The following PEPD variants were observed in gnomAD, a reference collection of about 807,000 sequenced individuals.
PEPD encodes the protein peptidase D, also known as xaa-Pro dipeptidase.
In PEPD, 53 loss-of-function variants were observed where a neutral mutation model predicts 60.7. That is an observed-to-expected ratio of 0.87 (90% CI 0.70 to 1.10). The LOEUF (loss-of-function observed/expected upper bound fraction) is 1.10, where lower values mean the gene tolerates loss of function less well. PEPD is among the 50% of genes least tolerant of loss of function. The probability of loss-of-function intolerance (pLI) is 0.00; values close to 1 mark genes in which losing one functional copy is unlikely to be tolerated. For missense variants in PEPD, 711 were observed against 711.9 expected (o/e 1.00, Z 0.01); for synonymous variants, 267 against 284.1 (o/e 0.94, Z 0.60).
intron 6 of PEPD, among the ~76,000 whole-genome samples, chr19:33,485,404 A>G (rs770770606): frequency 6.6e-6 from 1 of 151,502 alleles, no homozygotes; most frequent in African/African-American, 2.4e-5. Context: ...GAGGCGGAAG[A>G]ATCATTGCAA....
chr19:33,388,054 G>A lies in PEPD; in HGVS notation c.1180C>T (p.Leu394=). The A allele has an allele frequency of 6.4e-7, 1 of 1,554,490 alleles. No individual in the cohort carries two copies. Among genetic ancestry groups the A allele is most frequent in the East Asian group, 2.4e-5 (1 of 41,560 alleles). The change falls in exon 14 of 15, where the codon CTG becomes TTG. Residue 394 remains leucine, a synonymous_variant. Transcript: ENST00000244137. ...TGCCGTGCAGTGCGCAGGCTCCGCA[G>A]GCCGGGCTCGTCGATGCGCTCCACG... ...EGVERIDEPG[L]RSLRTARHLQ...
chr19:33,516,063 C>T (rs1371036551), intron 1 of PEPD, among the ~76,000 whole-genome samples: 1 of 152,116 alleles, frequency 6.6e-6, no homozygotes, highest in African/African-American at 2.4e-5. Flanking sequence ...CCACCCTGTG[C>T]AGGGCTCTGA....
At chr19:33,394,595 G>T (rs562111417) in intron 12 of PEPD, among the ~76,000 whole-genome samples, 1 of 152,346 alleles carries the variant, frequency 6.6e-6, no homozygotes, top group Admixed American at 6.5e-5. Context: ...CTGGGCGGGG[G>T]CCCCTGGAGT....
chr19:33,414,750 G>A (rs1006707835), intron 9 of PEPD, among the ~76,000 whole-genome samples: 61 of 152,250 alleles, frequency 4.0e-4, no homozygotes, highest in Admixed American at 2.7e-3. Flanking sequence ...GTCATGATTG[G>A]ATATTAAGCA....
intron 12 of PEPD, 147 bp from the exon 13 acceptor site, chr19:33,391,626 GC>G: frequency 1.3e-6 from 1 of 753,246 alleles, no homozygotes; most frequent in Non-Finnish European, 2.3e-6. Context: ...TACATCGGGG[GC>G]CCAGGGGGAC....
intron 6 of PEPD, among the ~76,000 whole-genome samples, chr19:33,482,277 T>C (rs1008904930): frequency 2.0e-5 from 3 of 152,184 alleles, no homozygotes; most frequent in Admixed American, 6.5e-5. Flanking sequence ...AATACAAGAT[T>C]CCTTCAACAT....
intron 3 of PEPD, among the ~76,000 whole-genome samples, chr19:33,508,374 C>G (rs1343622887): frequency 6.6e-6 from 1 of 152,228 alleles, no homozygotes; most frequent in East Asian, 1.9e-4. Context: ...CTGGGAGAAT[C>G]CTCCTGCAGA....
At chr19:33,515,556 C>T (rs143067098) in intron 1 of PEPD, among the ~76,000 whole-genome samples, 6 of 152,148 alleles carry the variant, frequency 3.9e-5, no homozygotes, top group South Asian at 2.1e-4. Context: ...GGATATCCCC[C>T]ATGGCCTCCC....
rs533380555 is a variant in PEPD at position 33,501,508 on chromosome 19, A to G, written c.330-507T>C. 2.6e-5 allele frequency among the ~76,000 whole-genome samples: 4 copies of G among 152,128 alleles called. No homozygotes were observed. In the East Asian group the frequency reaches 7.8e-4, roughly 30 times the overall value. On this transcript the variant is annotated intron_variant, in intron 3 of 14. Coordinates refer to ENST00000244137, the MANE Select transcript of PEPD (RefSeq NM_000285.4). ...ATCCTGGCTAACACGGTGAAACCCC[A>G]TCTCTACTAAAAATACAAAAAATTA...
intron 13 of PEPD, chr19:33,388,312 C>T: frequency 1.5e-6 from 1 of 670,198 alleles, no homozygotes; most frequent in Non-Finnish European, 2.8e-6. Flanking sequence ...TACCCTAGGG[C>T]TTGCTTGAGA....
At chr19:33,400,274 G>A (rs1968458793) in intron 12 of PEPD, among the ~76,000 whole-genome samples, 1 of 152,224 alleles carries the variant, frequency 6.6e-6, no homozygotes. Context: ...ACTCCAGGCT[G>A]CAGAAGGTGG....
intron 7 of PEPD, among the ~76,000 whole-genome samples, chr19:33,469,380 G>C (rs1370753074): frequency 6.6e-6 from 1 of 152,172 alleles, no homozygotes; most frequent in Non-Finnish European, 1.5e-5. Context: ...AGCTGCAGGG[G>C]AACCCGCAGG....
intron 9 of PEPD, among the ~76,000 whole-genome samples, chr19:33,414,957 C>T (rs549159696): frequency 1.5e-4 from 23 of 152,308 alleles, no homozygotes; most frequent in African/African-American, 3.1e-4. Flanking sequence ...CTCAGGAGGC[C>T]GCTTCCACCT....
intron 9 of PEPD, among the ~76,000 whole-genome samples, chr19:33,439,888 T>C (rs1184906432): frequency 1.3e-5 from 2 of 152,042 alleles, no homozygotes; most frequent in African/African-American, 4.8e-5. Context: ...CCAAGAAAGG[T>C]TCTTGTTTTT....
At chr19:33,486,337 C>T (rs1415016522) in intron 6 of PEPD, among the ~76,000 whole-genome samples, 6 of 151,540 alleles carry the variant, frequency 4.0e-5, no homozygotes, top group Admixed American at 1.3e-4. Context: ...TGCCAGAGCC[C>T]GCAGCAAAGC....
intron 9 of PEPD, among the ~76,000 whole-genome samples, chr19:33,434,059 CCT>C (rs1969327117): frequency 6.6e-6 from 1 of 152,232 alleles, no homozygotes; most frequent in Admixed American, 6.5e-5. Flanking sequence ...CCCCTCTCCT[CCT>C]CTGTCACCAG....
intron 2 of PEPD, among the ~76,000 whole-genome samples, chr19:33,512,100 A>T (rs1374345412): frequency 6.6e-6 from 1 of 152,126 alleles, no homozygotes; most frequent in Non-Finnish European, 1.5e-5. Flanking sequence ...AGAGGTTCTG[A>T]AGTTCCTGCT....
chr19:33,402,003 C>G (rs966376536), intron 11 of PEPD, 134 bp from the exon 12 acceptor site: 1 of 822,914 alleles, frequency 1.2e-6, no homozygotes, highest in Non-Finnish European at 2.0e-6. Context: ...ACAATGAGAC[C>G]GGTGTGGGGA....
intron 9 of PEPD, among the ~76,000 whole-genome samples, chr19:33,437,466 G>A (rs1474930117): frequency 1.3e-5 from 2 of 151,710 alleles, no homozygotes; most frequent in African/African-American, 4.8e-5. Flanking sequence ...TGGAGGAGCT[G>A]TTATTAACAG....
Sources: gnomAD v4.1 joint callset for allele counts (sites outside exome capture counted in the v4.1 genomes callset) on GRCh38, gnomAD v4.1.1 for gene constraint, MANE v1.5 for transcripts, NCBI Gene and HGNC (gene_info 2026-07-23, HGNC 2026-07-21) for gene names.